RAD17: variants seen among roughly 807,000 people sequenced by gnomAD.
RAD17 encodes the protein RAD17 checkpoint clamp loader component.
RAD17 carries 31 observed loss-of-function variants against 81.5 expected under a neutral mutation model. The ratio of observed to expected loss-of-function variants is 0.38; its 90% confidence interval spans 0.29 to 0.51. The LOEUF is 0.51. RAD17 is among the 20% of genes least tolerant of loss of function. The pLI is 0.88. For synonymous variants in RAD17, 261 were observed against 266.2 expected (o/e 0.98, Z 0.19); for missense variants, 681 against 781.2 (o/e 0.87, Z 1.53).
intron 17 of RAD17, among the ~76,000 whole-genome samples, chr5:69,403,968 A>C (rs1765433544): frequency 1.3e-5 from 2 of 151,956 alleles, no homozygotes; most frequent in African/African-American, 4.8e-5. Flanking sequence ...AGATGTTTTG[A>C]TAAGTTATAT....
Position 69,373,960 on chromosome 5 carries a change from G to C in RAD17, c.140G>C (p.Ser47Thr). The C allele has an allele frequency of 6.2e-7, 1 of 1,613,482 alleles. No homozygotes were observed. The highest frequency in any genetic ancestry group is 8.5e-7 in the Non-Finnish European group (1 of 1,179,712). Residue 47 changes from serine (S) to threonine (T), a missense_variant, in exon 5 of 19, where the codon AGC becomes ACC. By Grantham distance (58) the Ser-to-Thr change is moderately conservative. Transcript: ENST00000354868. ...RRKNGPSTLE[S>T]SRFPARKRGN... ...AAAAATGGGCCTTCTACATTAGAAA[G>C]CAGCAGATTTCCAGCGAGAAAAAGA...
intron 3 of RAD17, 63 bp downstream of exon 3, chr5:69,371,620 A>G (rs1763009431): frequency 1.1e-6 from 1 of 909,156 alleles, no homozygotes; most frequent in Non-Finnish European, 1.5e-6. Flanking sequence ...TTTTATATAT[A>G]TTCTTAATAA....
chr5:69,371,462 T>G lies in RAD17; in HGVS notation c.-271T>G. 1.6e-6 allele frequency: 1 copy of G among 624,078 alleles called. No individual in the cohort carries two copies. The allele number at this position is 624,078 out of a possible 1,614,324, so 38.7% of individuals were successfully genotyped here. On this transcript the variant is annotated 5_prime_UTR_variant, in exon 3 of 19. An upstream open reading frame in the 5' UTR loses its in-frame stop. Transcript: ENST00000354868. ...CCCCCCCCCCCCCCCAGGTGAATTA[T>G]AGTTTAATGTACTGCAAGTCCTAAA...
chr5:69,373,694 T>A, intron 4 of RAD17, 136 bp from the exon 5 acceptor site: 2 of 459,176 alleles, frequency 4.4e-6, no homozygotes, highest in Non-Finnish European at 6.4e-6. Context: ...AAATTTTTTT[T>A]TTTTTTTTTT....
chr5:69,372,269 C>A, intron 4 of RAD17, 52 bp downstream of exon 4: 5 of 1,369,776 alleles, frequency 3.7e-6, no homozygotes, highest in Non-Finnish European at 5.2e-6. Flanking sequence ...AATCCACTGC[C>A]GATAATATTC....
At chr5:69,398,103 C>T (rs1580416717) in intron 16 of RAD17, among the ~76,000 whole-genome samples, 1 of 150,438 alleles carries the variant, frequency 6.6e-6, no homozygotes, top group Admixed American at 6.6e-5. Flanking sequence ...AGAGACAGAG[C>T]GAGACTCCAT....
At chr5:69,389,213 A>G (rs555070886) in intron 12 of RAD17, 68 bp downstream of exon 12, 108 of 959,124 alleles carry the variant, frequency 1.1e-4, no homozygotes, top group Non-Finnish European at 1.6e-4. Context: ...TCATTCAATG[A>G]AATCAAACAT....
chr5:69,373,785 T>C (rs771054354), intron 4 of RAD17, 45 bp from the exon 5 acceptor site: 1 of 1,527,858 alleles, frequency 6.5e-7, no homozygotes, highest in South Asian at 1.2e-5. Flanking sequence ...GGGGAATAGA[T>C]GGGAGAAAAT....
rs1034683327 is a variant in RAD17 at position 69,414,535 on chromosome 5, T to G, written c.*243T>G. 17 of 573,214 alleles carry G rather than the reference T, an allele frequency of 3.0e-5. No individual in the cohort carries two copies. The highest frequency in any genetic ancestry group is 4.9e-5 in the Non-Finnish European group (16 of 326,082). 35.5% of individuals were successfully genotyped at this position (573,214 alleles called of 1,614,324 possible). A position where few individuals can be genotyped will look rare whatever the true frequency, so the allele number is the denominator to read the frequency against. ...AATCTGTGAGTGGTTTAAGGAGCGGTCAGTGTGTATAAAGTGTGTTTGAAC... is the reference window on the plus strand; with the variant it reads ...AATCTGTGAGTGGTTTAAGGAGCGGGCAGTGTGTATAAAGTGTGTTTGAAC... On this transcript the variant is annotated 3_prime_UTR_variant, in exon 19 of 19. Transcript: ENST00000354868.
Position 69,391,053 on chromosome 5 carries a change from A to G in RAD17, c.1007-778A>G, listed in dbSNP as rs372066635. Among the ~76,000 whole-genome samples, 9 of 152,054 alleles carry G rather than the reference A, an allele frequency of 5.9e-5. No homozygotes were observed. In the South Asian group the frequency reaches 1.9e-3, roughly 32 times the overall value. ...GGAGGTTGTGACCAGCCTGGCCAACATGGTGAAACCTCATCTCTGCTAAAA... is the reference window on the plus strand; with the variant it reads ...GGAGGTTGTGACCAGCCTGGCCAACGTGGTGAAACCTCATCTCTGCTAAAA... On this transcript the variant is annotated intron_variant, in intron 12 of 18. Transcript: ENST00000354868.
At chr5:69,377,191 G>A (rs912769860) in intron 6 of RAD17, among the ~76,000 whole-genome samples, 3 of 151,896 alleles carry the variant, frequency 2.0e-5, no homozygotes, top group East Asian at 3.9e-4. Flanking sequence ...TAGAAATCTC[G>A]TCTCTTGTCT....
intron 17 of RAD17, among the ~76,000 whole-genome samples, chr5:69,408,069 A>C (rs1464224241): frequency 6.6e-6 from 1 of 152,142 alleles, no homozygotes; most frequent in Admixed American, 6.6e-5. Context: ...GAAAATATTT[A>C]TAATGGTTTA....
intron 17 of RAD17, among the ~76,000 whole-genome samples, chr5:69,407,255 G>A (rs745412760): frequency 5.3e-5 from 8 of 151,926 alleles, no homozygotes; most frequent in Non-Finnish European, 1.2e-4. Flanking sequence ...CGCCTGCTTC[G>A]GCCTGTGTAG....
At chr5:69,388,432 CTG>C (rs934844313) in intron 11 of RAD17, among the ~76,000 whole-genome samples, 5 of 151,952 alleles carry the variant, frequency 3.3e-5, no homozygotes, top group Admixed American at 6.6e-5. Flanking sequence ...TGTTATATAT[CTG>C]TGTGTATGTA....
upstream of RAD17, chr5:69,369,494 C>G (rs750739293): frequency 1.2e-6 from 2 of 1,611,462 alleles, no homozygotes; most frequent in African/African-American, 1.3e-5. Flanking sequence ...GCAACATGGT[C>G]CCCGCCGCGA....
upstream of RAD17, chr5:69,369,299 A>C (rs1580334817): frequency 6.4e-5 from 16 of 249,768 alleles, no homozygotes; most frequent in Non-Finnish European, 5.8e-5. Context: ...CGCCTCCCGC[A>C]ACGCCCGCGA....
intron 18 of RAD17, among the ~76,000 whole-genome samples, chr5:69,410,932 GAAAATTTAAACAAGCAAA>G (rs1260743849): frequency 1.8e-5 from 2 of 110,024 alleles, no homozygotes; most frequent in Non-Finnish European, 3.6e-5. Flanking sequence ...TCTTATTTTA[GAAAATTTAAACAAGCAAA>G]AAATAGATGT....
At chr5:69,400,210 T>TTATTTATG (rs1561267694) in intron 17 of RAD17, 41 bp downstream of exon 17, 1 of 1,135,770 alleles carries the variant, frequency 8.8e-7, no homozygotes, top group South Asian at 2.6e-5. Context: ...GAAGTAGGGT[T>TTATTTATG]TATTTATTTA....
At chr5:69,399,163 G>T (rs1765093272) in intron 16 of RAD17, among the ~76,000 whole-genome samples, 1 of 152,134 alleles carries the variant, frequency 6.6e-6, no homozygotes, top group Non-Finnish European at 1.5e-5. Flanking sequence ...GCTGAATTGG[G>T]AGGATTGCAT....
Sources: allele counts gnomAD v4.1 joint callset (sites outside exome capture counted in the v4.1 genomes callset), GRCh38; gene constraint gnomAD v4.1.1; transcripts MANE v1.5; gene names NCBI Gene and HGNC (gene_info 2026-07-23, HGNC 2026-07-21).